The following RBFOX1 variants were observed in gnomAD, a reference collection of about 807,000 sequenced individuals.
RBFOX1 encodes RNA binding fox-1 homolog 1.
Under a neutral mutation model 57.7 loss-of-function variants are expected in RBFOX1, and 8 were observed. That is an observed-to-expected ratio of 0.14 (90% confidence interval 0.08 to 0.25). The LOEUF (loss-of-function observed/expected upper bound fraction) is 0.25. RBFOX1 is among the 10% of genes least tolerant of loss of function. RBFOX1 has a pLI of 1.00. For missense variants in RBFOX1, 611 were observed against 548.5 expected (o/e 1.11, Z -1.14); for synonymous variants, 326 against 222.4 (o/e 1.47, Z -4.15).
At chr16:6,248,349 A>G (rs1300286471) in intron 1 of RBFOX1, among the ~76,000 whole-genome samples, 3 of 152,286 alleles carry the variant, frequency 2.0e-5, no homozygotes, top group African/African-American at 7.2e-5. Flanking sequence ...AAATCAACAC[A>G]GTCTATTTCA....
intron 2 of RBFOX1, among the ~76,000 whole-genome samples, chr16:6,620,535 A>G (rs1318155156): frequency 1.3e-5 from 2 of 152,198 alleles, no homozygotes; most frequent in African/African-American, 4.8e-5. Flanking sequence ...AAAACCATTC[A>G]AAAGATCAAT....
At chr16:7,697,991 G>A (rs1431408832) in intron 14 of RBFOX1, among the ~76,000 whole-genome samples, 3 of 152,206 alleles carry the variant, frequency 2.0e-5, no homozygotes, top group Admixed American at 6.5e-5. Context: ...GGGGACAGAG[G>A]GAGCAGATGT....
intron 2 of RBFOX1, chr16:6,483,072 G>T: frequency 1.1e-6 from 1 of 936,916 alleles, no homozygotes; most frequent in Non-Finnish European, 1.3e-6. Flanking sequence ...TCGGAGCTTT[G>T]CAAGTGCCTC....
intron 3 of RBFOX1, among the ~76,000 whole-genome samples, chr16:6,989,353 T>G (rs901550770): frequency 2.0e-5 from 3 of 152,230 alleles, no homozygotes; most frequent in African/African-American, 7.2e-5. Context: ...TCAGTCTGTC[T>G]TTTGAAGGAC....
chr16:7,100,903 G>A (rs1225990770), intron 4 of RBFOX1, among the ~76,000 whole-genome samples: 1 of 152,164 alleles, frequency 6.6e-6, no homozygotes. Context: ...CATTTTTAGA[G>A]GTTGCTTTGC....
At chr16:7,540,104 A>G (rs1432180269) in intron 5 of RBFOX1, among the ~76,000 whole-genome samples, 1 of 152,170 alleles carries the variant, frequency 6.6e-6, no homozygotes, top group African/African-American at 2.4e-5. Flanking sequence ...CATGTGCCTC[A>G]TTGGTGGTGG....
chr16:7,210,831 A>C (rs2090981584), intron 4 of RBFOX1, among the ~76,000 whole-genome samples: 1 of 152,192 alleles, frequency 6.6e-6, no homozygotes, highest in Admixed American at 6.5e-5. Context: ...TCCAATGTAC[A>C]GTATGATGAC....
At position 5,637,759 on chromosome 16, in the gene RBFOX1, A is replaced by G. The variant is rs886535616; in HGVS notation, c.318+38798A>G. Among the ~76,000 whole-genome samples, 7 of 152,166 alleles carry G rather than the reference A, an allele frequency of 4.6e-5. 1 individual carries two copies. The highest frequency in any genetic ancestry group is 2.6e-4 in the Admixed American group (4 of 15,282). On this transcript the variant is annotated intron_variant, in intron 3 of 19. Coordinates refer to the RBFOX1 transcript ENST00000641259. The stretch of plus-strand genomic sequence containing the variant: ...GTATATCCAGGCAACAGGAAGAGAG[A>G]GCTCACATTCCCATGCTGAAGACCA...
rs184651838 is a variant in RBFOX1 at position 7,290,271 on chromosome 16, G to A, written c.28-227876G>A. ...CACCAATATTTGAAATTGGGAGTAT[G>A]GATAGATAATATTGTTTTCAATTAG... On this transcript the variant is annotated intron_variant, in intron 4 of 15. Coordinates refer to ENST00000550418, the MANE Select transcript of RBFOX1 (RefSeq NM_018723.4). Among the ~76,000 whole-genome samples the A allele has an allele frequency of 2.6e-5, 4 of 152,304 alleles. No homozygotes were observed. In the East Asian group the frequency reaches 5.8e-4, roughly 22 times the overall value.
chr16:5,388,540 A>G (rs1329810974), intron 1 of RBFOX1, among the ~76,000 whole-genome samples: 1 of 152,010 alleles, frequency 6.6e-6, no homozygotes. Flanking sequence ...TGCTGTGGCC[A>G]CTTTAAGGAG....
At chr16:5,523,768 A>G (rs1037682090) in intron 2 of RBFOX1, among the ~76,000 whole-genome samples, 3 of 152,210 alleles carry the variant, frequency 2.0e-5, no homozygotes, top group Non-Finnish European at 1.5e-5. Context: ...ACTCTTTTTC[A>G]TAACATTTCC....
At chr16:5,590,954 T>C (rs2046986827) in intron 2 of RBFOX1, among the ~76,000 whole-genome samples, 1 of 152,106 alleles carries the variant, frequency 6.6e-6, no homozygotes, top group African/African-American at 2.4e-5. Context: ...CAGACCACAC[T>C]GAAAGGACTC....
chr16:7,460,714 A>G (rs2059427315), intron 4 of RBFOX1, among the ~76,000 whole-genome samples: 1 of 151,890 alleles, frequency 6.6e-6, no homozygotes, highest in Non-Finnish European at 1.5e-5. Context: ...CCTTGAACTT[A>G]AAAAATTTTA....
At chr16:5,580,351 A>G (rs1445006484) in intron 2 of RBFOX1, among the ~76,000 whole-genome samples, 4 of 152,186 alleles carry the variant, frequency 2.6e-5, no homozygotes, top group Non-Finnish European at 2.9e-5. Context: ...GTGGGAAAAC[A>G]TCCTCAGCTG....
chr16:5,609,850 G>C (rs1465183313), intron 3 of RBFOX1, among the ~76,000 whole-genome samples: 1 of 148,592 alleles, frequency 6.7e-6, no homozygotes, highest in Non-Finnish European at 1.5e-5. Flanking sequence ...TGGGGGTGGG[G>C]AGCAGAGGAC....
intron 4 of RBFOX1, among the ~76,000 whole-genome samples, chr16:7,438,496 C>A (rs13334193): frequency 3.2e-4 from 49 of 152,268 alleles, no homozygotes; most frequent in African/African-American, 1.2e-3. Flanking sequence ...GGGGATCAGA[C>A]TGGAACATCC....
chr16:6,832,248 A>T (rs2141086596), intron 3 of RBFOX1, among the ~76,000 whole-genome samples: 1 of 152,346 alleles, frequency 6.6e-6, no homozygotes, highest in South Asian at 2.1e-4. Context: ...GGAACAACAC[A>T]GTGGGATTTA....
At chr16:6,744,293 A>T (rs1174372995) in intron 3 of RBFOX1, among the ~76,000 whole-genome samples, 1 of 152,154 alleles carries the variant, frequency 6.6e-6, no homozygotes, top group East Asian at 1.9e-4. Context: ...TGACAGAATA[A>T]ATAGCTAGAA....
At chr16:5,768,675 C>T (rs571539919) in intron 3 of RBFOX1, among the ~76,000 whole-genome samples, 2 of 152,276 alleles carry the variant, frequency 1.3e-5, no homozygotes, top group South Asian at 4.1e-4. Flanking sequence ...ACTCTGCCTG[C>T]TGGGGAGGAA....
Sources: gnomAD v4.1 joint callset for allele counts (sites outside exome capture counted in the v4.1 genomes callset) on GRCh38, gnomAD v4.1.1 for gene constraint, MANE v1.5 for transcripts, NCBI Gene and HGNC (gene_info 2026-07-23, HGNC 2026-07-21) for gene names.